The following KHSRP variants were observed in gnomAD, a reference collection of about 807,000 sequenced individuals.
The protein encoded by KHSRP is far upstream element-binding protein 2.
A neutral mutation model predicts 94.9 loss-of-function variants in KHSRP; 13 were observed. The observed-to-expected ratio is 0.14, with a 90% CI of 0.09 to 0.22. The LOEUF is 0.22. Among genes scored for constraint, KHSRP ranks in the 10% least tolerant of loss-of-function variants. The pLI, the probability that KHSRP is intolerant of heterozygous loss-of-function variation, is 1.00. For missense variants in KHSRP, 710 were observed against 1,010.0 expected, an observed-to-expected ratio of 0.70 and a Z score of 4.03; for synonymous variants, 495 against 401.4, an observed-to-expected ratio of 1.23 and a Z score of -2.79.
In KHSRP at chr19:6,420,356, G is replaced by C. The variant is rs189765032; in HGVS notation, c.475+66C>G. ...TCAGACCAGGGCTTCTGGGCTGGCA[G>C]GAGCTCACAGGACACTTCCTCCTGG... On this transcript the variant is annotated intron_variant, in intron 5 of 18. Coordinates refer to ENST00000600480, the MANE Select transcript of KHSRP (RefSeq NM_001366299.1). The C allele has an allele frequency of 5.4e-5, 82 of 1,508,450 alleles. No homozygotes were observed. The East Asian group carries it at 1.8e-3, about 33-fold the overall frequency. 93.4% of individuals were successfully genotyped at this position (1,508,450 alleles called of 1,614,324 possible).
At chr19:6,420,755 T>C (rs1448555574) in intron 4 of KHSRP, among the ~76,000 whole-genome samples, 1 of 152,260 alleles carries the variant, frequency 6.6e-6, no homozygotes, top group Non-Finnish European at 1.5e-5. Flanking sequence ...AAGCTGGCTG[T>C]ATGTCCTTTT....
chr19:6,417,765 G>A lies in KHSRP; in HGVS notation c.1055C>T (p.Ala352Val). Residue 352 changes from alanine to valine, a missense_variant, in exon 11 of 19, where the codon GCT (alanine) becomes GTT (valine). Coordinates refer to ENST00000600480, the MANE Select transcript of KHSRP (RefSeq NM_001366299.1). ...GEMIKKIQND[A>V]GVRIQFKQDD... ...TTGCTTGAACTGTATCCGCACGCCA[G>A]CATCATTCTGGATCTTCTTGATCAT... 6.2e-7 allele frequency: 1 copy of A among 1,613,900 alleles called. No homozygotes were observed. Among genetic ancestry groups the A allele is most frequent in the South Asian group, 1.1e-5 (1 of 91,084 alleles).
Position 6,421,700 on chromosome 19 carries a change from A to G in KHSRP, c.347-12T>C. 6.2e-7 allele frequency: 1 copy of G among 1,613,660 alleles called. No homozygotes were observed. The highest frequency in any genetic ancestry group is 8.5e-7 in the Non-Finnish European group (1 of 1,179,814). Reference sequence around the variant, plus strand: ...GCTCTCCGGTTGATCTGGGAAAGAGAGAGGATGGCAGATGCAGCACCCACC... The same window carrying G: ...GCTCTCCGGTTGATCTGGGAAAGAGGGAGGATGGCAGATGCAGCACCCACC... On this transcript the variant is annotated splice_polypyrimidine_tract_variant and intron_variant, in intron 2 of 18. Coordinates refer to ENST00000600480, the MANE Select transcript of KHSRP (RefSeq NM_001366299.1).
chr19:6,419,007 C>A, intron 7 of KHSRP, 131 bp from the exon 8 acceptor site: 1 of 1,160,062 alleles, frequency 8.6e-7, no homozygotes. Flanking sequence ...GGGCCAGTCA[C>A]AGGGGCTGTT....
In KHSRP at chr19:6,415,816, T is replaced by C; in HGVS notation, c.1679A>G (p.His560Arg). The change falls in exon 16 of 19, where the codon CAT becomes CGT. Residue 560 changes from histidine (H) to arginine (R), a missense_variant. By Grantham distance (29) the His-to-Arg change is conservative. Coordinates refer to ENST00000600480, the MANE Select transcript of KHSRP (RefSeq NM_001366299.1). ...TYPQWQPPAP[H>R]DPSKAAAAAA... ...GGTGGCCCATCACTTACTTGGGTCA[T>C]GAGGAGCAGGCGGCTGCCACTGGGG... The C allele has an allele frequency of 6.4e-7, 1 of 1,571,150 alleles. No homozygotes were observed. The highest frequency in any genetic ancestry group is 1.4e-5 in the African/African-American group (1 of 74,066).
At chr19:6,424,393 GCCCCCT>G in intron 1 of KHSRP, 54 bp downstream of exon 1, 1 of 671,474 alleles carries the variant, frequency 1.5e-6, no homozygotes, top group Non-Finnish European at 1.8e-6. Flanking sequence ...CGTGACCCCC[GCCCCCT>G]CCCCCGCCTG....
At chr19:6,421,741 C>G (rs940073272) in intron 2 of KHSRP, 53 bp from the exon 3 acceptor site, 27 of 1,601,770 alleles carry the variant, frequency 1.7e-5, no homozygotes, top group African/African-American at 2.7e-5. Context: ...ACGGCCGCCT[C>G]GAACCTGATG....
intron 2 of KHSRP, 41 bp from the exon 3 acceptor site, chr19:6,421,729 C>T: frequency 6.2e-7 from 1 of 1,612,464 alleles, no homozygotes; most frequent in South Asian, 1.1e-5. Flanking sequence ...ACCCACCCAC[C>T]CACGGCCGCC....
intron 16 of KHSRP, 21 bp from the exon 17 acceptor site, chr19:6,415,755 G>C (rs2092139989): frequency 6.4e-7 from 1 of 1,551,152 alleles, no homozygotes; most frequent in Non-Finnish European, 8.7e-7. Flanking sequence ...TACCTCGGGT[G>C]AGACGGGGGG....
At chr19:6,421,716 A>T (rs1467377394) in intron 2 of KHSRP, 28 bp from the exon 3 acceptor site, 2 of 1,613,744 alleles carry the variant, frequency 1.2e-6, no homozygotes, top group Non-Finnish European at 1.7e-6. Flanking sequence ...TGGCAGATGC[A>T]GCACCCACCC....
chr19:6,417,155 G>A (rs1201912008), intron 11 of KHSRP, 68 bp from the exon 12 acceptor site: 12 of 1,239,004 alleles, frequency 9.7e-6, no homozygotes, highest in East Asian at 4.8e-5. Context: ...GCCCTGCAAC[G>A]CCGCCTCCAG....
At chr19:6,421,785 T>G in intron 2 of KHSRP, 97 bp from the exon 3 acceptor site, 3 of 1,427,050 alleles carry the variant, frequency 2.1e-6, no homozygotes, top group Non-Finnish European at 3.0e-6. Context: ...ACAGTGCCCC[T>G]CGGCCCCCAC....
Position 6,413,453 on chromosome 19 carries a change from C to T in KHSRP, c.*1571G>A. The T allele has an allele frequency of 2.5e-6, 1 of 404,046 alleles. No individual in the cohort carries two copies. Among genetic ancestry groups the T allele is most frequent in the South Asian group, 1.7e-5 (1 of 58,720 alleles). The allele number at this position is 404,046 out of a possible 1,614,324, so 25.0% of individuals were successfully genotyped here. The stretch of plus-strand genomic sequence containing the variant: ...CTCATTTTGTTTTCAGTTTCAATCT[C>T]CTCTTGAACAGATGAAAAGACAACA... On this transcript the variant is annotated 3_prime_UTR_variant, in exon 19 of 19. Coordinates refer to ENST00000600480, the MANE Select transcript of KHSRP (RefSeq NM_001366299.1).
chr19:6,420,263 G>GA, intron 5 of KHSRP, 119 bp from the exon 6 acceptor site: 1 of 1,141,194 alleles, frequency 8.8e-7, no homozygotes, highest in Non-Finnish European at 1.3e-6. Flanking sequence ...CAGTCCTCTA[G>GA]AGAGCTCCTG....
At chr19:6,420,205 G>T (rs377694691) in intron 5 of KHSRP, 61 bp from the exon 6 acceptor site, 2 of 1,470,426 alleles carry the variant, frequency 1.4e-6, no homozygotes, top group South Asian at 1.2e-5. Context: ...CAGGCCTCAG[G>T]AGACTGTGTG....
intron 10 of KHSRP, 69 bp downstream of exon 10, chr19:6,417,912 G>A (rs1233548474): frequency 2.5e-6 from 4 of 1,603,588 alleles, no homozygotes; most frequent in Admixed American, 1.7e-5. Context: ...TGGCCACAAG[G>A]AGCCACTCAC....
intron 6 of KHSRP, 81 bp from the exon 7 acceptor site, chr19:6,419,341 G>T: frequency 1.5e-6 from 2 of 1,304,944 alleles, no homozygotes; most frequent in Non-Finnish European, 1.1e-6. Context: ...GAAACTTTCA[G>T]AACAACCAAG....
intron 11 of KHSRP, among the ~76,000 whole-genome samples, chr19:6,417,337 T>G (rs1008362594): frequency 1.3e-5 from 2 of 152,140 alleles, no homozygotes; most frequent in Non-Finnish European, 2.9e-5. Flanking sequence ...ACTGAGAGAT[T>G]TTACAGAACA....
In KHSRP at chr19:6,414,924, G is replaced by A. The variant is rs896034207; in HGVS notation, c.*100C>T. 1.4e-6 allele frequency: 2 copies of A among 1,405,446 alleles called. No homozygotes were observed. Among genetic ancestry groups the A allele is most frequent in the African/African-American group, 1.5e-5 (1 of 68,924 alleles). 87.1% of individuals were successfully genotyped at this position (1,405,446 alleles called of 1,614,324 possible). On this transcript the variant is annotated 3_prime_UTR_variant, in exon 19 of 19. Coordinates refer to ENST00000600480, the MANE Select transcript of KHSRP (RefSeq NM_001366299.1). ...CACACAGGAACAAGCAGCCGGCGCA[G>A]GGAGGCCTCTTCGTTTAACCTCTGG...
Sources: allele counts gnomAD v4.1 joint callset (sites outside exome capture counted in the v4.1 genomes callset), GRCh38; gene constraint gnomAD v4.1.1; transcripts MANE v1.5; gene names NCBI Gene and HGNC (gene_info 2026-07-23, HGNC 2026-07-21).